Variants in MMS22L observed in about 807,000 individuals in gnomAD.
MMS22L encodes the protein MMS22 like, DNA repair protein.
A neutral mutation model predicts 159.1 loss-of-function variants in MMS22L; 74 were observed. The observed-to-expected ratio is 0.47, with a 90% CI of 0.39 to 0.56. The LOEUF (loss-of-function observed/expected upper bound fraction) is 0.56. Among genes scored for constraint, MMS22L ranks in the 20% least tolerant of loss-of-function variants. MMS22L has a pLI of 0.00. For synonymous variants in MMS22L, 517 were observed against 506.9 expected, an observed-to-expected ratio of 1.02 and a Z score of -0.27; for missense variants, 1,351 against 1,422.1, an observed-to-expected ratio of 0.95 and a Z score of 0.80.
At chr6:97,263,571 AAATT>A (rs1334773421) in intron 8 of MMS22L, 123 bp from the exon 9 acceptor site, 41 of 450,434 alleles carry the variant, frequency 9.1e-5, no homozygotes, top group Non-Finnish European at 1.4e-4. Context: ...CAATTAGACA[AAATT>A]ATTTATTGAA....
Position 97,282,677 on chromosome 6 carries a change from C to T in MMS22L, c.-76-124G>A, listed in dbSNP as rs1281957459. On this transcript the variant is annotated intron_variant, in intron 1 of 24. Transcript: ENST00000683635. Reference sequence around the variant, plus strand: ...AGAGGCCAAATTCCCAATTCCCCCTCGCCCTCCGTCCATCAAGGCTGTCAG... The same window carrying T: ...AGAGGCCAAATTCCCAATTCCCCCTTGCCCTCCGTCCATCAAGGCTGTCAG... 24 of 479,584 alleles carry T rather than the reference C, an allele frequency of 5.0e-5. No homozygotes were observed. In the Admixed American group the frequency reaches 6.1e-4, roughly 12 times the overall value. The allele number at this position is 479,584 out of a possible 1,614,324, so 29.7% of individuals were successfully genotyped here. A position where few individuals can be genotyped will look rare whatever the true frequency, so the allele number is the denominator to read the frequency against.
Position 97,229,017 on chromosome 6 carries a change from T to C in MMS22L, c.1916A>G (p.Tyr639Cys), listed in dbSNP as rs1562482628. Residue 639 changes from tyrosine to cysteine, a missense_variant, in exon 14 of 25, where the codon TAT (tyrosine) becomes TGT (cysteine). Tyr to Cys is a radical substitution (Grantham distance 194, BLOSUM62 -2). Transcript: ENST00000683635. ...TTTTTCATGGGAAGGATACAAGCAATAGCTGGTCTCAAACACTTCTTGAAC... is the reference window on the plus strand; with the variant it reads ...TTTTTCATGGGAAGGATACAAGCAACAGCTGGTCTCAAACACTTCTTGAAC... ...DGVQEVFETS[Y>C]CLYPSHEKLL... 1.9e-6 allele frequency: 3 copies of C among 1,614,090 alleles called. No individual in the cohort carries two copies. The highest frequency in any genetic ancestry group is 1.1e-5 in the South Asian group (1 of 91,080).
chr6:97,249,533 C>T lies in MMS22L; in HGVS notation c.1120-2843G>A, dbSNP rs150230150. On this transcript the variant is annotated intron_variant, in intron 10 of 24. Transcript: ENST00000683635. ...TCTCTCAAAAAAAGCTCATTTTCTT[C>T]TATCAATACTGTATGTCTACTGTGT... Among the ~76,000 whole-genome samples, 296 of 152,242 alleles carry T rather than the reference C, an allele frequency of 1.9e-3. 1 individual carries two copies. The highest frequency in any genetic ancestry group is 6.7e-3 in the African/African-American group (280 of 41,542).
At chr6:97,164,873 C>T (rs1802808848) in intron 21 of MMS22L, among the ~76,000 whole-genome samples, 1 of 152,082 alleles carries the variant, frequency 6.6e-6, no homozygotes. Context: ...CCCACCTCTG[C>T]CTCCCAAAGG....
At chr6:97,207,675 C>T (rs1201774614) in intron 14 of MMS22L, among the ~76,000 whole-genome samples, 1 of 151,960 alleles carries the variant, frequency 6.6e-6, no homozygotes, top group African/African-American at 2.4e-5. Context: ...CTTAATTAAC[C>T]CTGTTCAGAA....
chr6:97,173,647 AT>A (rs1803793981), intron 18 of MMS22L, among the ~76,000 whole-genome samples: 1 of 152,146 alleles, frequency 6.6e-6, no homozygotes, highest in South Asian at 2.1e-4. Flanking sequence ...GTAATGCCAA[AT>A]TTTTACAAGC....
chr6:97,188,738 T>C (rs554784003), intron 14 of MMS22L, among the ~76,000 whole-genome samples: 4 of 152,230 alleles, frequency 2.6e-5, no homozygotes, highest in African/African-American at 9.6e-5. Context: ...GGTGGGTGGA[T>C]CACTCGAGGC....
intron 13 of MMS22L, among the ~76,000 whole-genome samples, chr6:97,229,865 T>A (rs893633757): frequency 6.6e-6 from 1 of 152,158 alleles, no homozygotes; most frequent in Middle Eastern, 3.2e-3. Context: ...TTGCTCTTAT[T>A]TTACTTATAC....
chr6:97,188,456 T>A (rs1805482756), intron 14 of MMS22L, among the ~76,000 whole-genome samples: 1 of 152,160 alleles, frequency 6.6e-6, no homozygotes, highest in African/African-American at 2.4e-5. Context: ...TCGGAACAAC[T>A]CTATGAGATA....
At chr6:97,209,279 C>A (rs1808117960) in intron 14 of MMS22L, among the ~76,000 whole-genome samples, 2 of 151,964 alleles carry the variant, frequency 1.3e-5, no homozygotes, top group African/African-American at 2.4e-5. Context: ...TTTTTGCACA[C>A]AAACCAAAAA....
At chr6:97,170,167 C>T (rs1031317858) in intron 19 of MMS22L, among the ~76,000 whole-genome samples, 8 of 152,092 alleles carry the variant, frequency 5.3e-5, no homozygotes, top group African/African-American at 1.7e-4. Context: ...GTACTATCTG[C>T]GGTTTCAGGC....
intron 14 of MMS22L, among the ~76,000 whole-genome samples, chr6:97,188,034 G>C (rs1805434418): frequency 1.3e-5 from 2 of 152,152 alleles, no homozygotes; most frequent in Non-Finnish European, 2.9e-5. Context: ...TATCTGCTAT[G>C]TCCTCTCTGT....
chr6:97,269,871 A>G, intron 7 of MMS22L, 31 bp downstream of exon 7: 1 of 1,488,278 alleles, frequency 6.7e-7, no homozygotes, highest in East Asian at 2.3e-5. Context: ...TGATTTTAAA[A>G]AGAATATAAA....
At chr6:97,259,933 T>C (rs907616250) in intron 9 of MMS22L, 1 of 152,190 alleles carries the variant, frequency 6.6e-6, no homozygotes, top group Non-Finnish European at 1.5e-5. Flanking sequence ...GAAGTGGGAT[T>C]GCTAGGGTCA....
chr6:97,186,299 CTTATT>C (rs1228018269), intron 15 of MMS22L, among the ~76,000 whole-genome samples, 193 bp downstream of exon 15: 5 of 152,004 alleles, frequency 3.3e-5, no homozygotes. Context: ...AGAAAATTAT[CTTATT>C]TTTAGTAAAT....
intron 18 of MMS22L, among the ~76,000 whole-genome samples, chr6:97,174,605 C>A (rs1803938039): frequency 6.6e-6 from 1 of 152,018 alleles, no homozygotes; most frequent in Non-Finnish European, 1.5e-5. Context: ...CCTAGGATAA[C>A]AGAGAGGGGA....
At chr6:97,174,273 A>G (rs370032091) in intron 18 of MMS22L, among the ~76,000 whole-genome samples, 1 of 151,538 alleles carries the variant, frequency 6.6e-6, no homozygotes, top group South Asian at 2.1e-4. Flanking sequence ...AAAAAAAAAA[A>G]AAATAAAAAG....
At chr6:97,280,031 T>C (rs1352710159) in intron 3 of MMS22L, among the ~76,000 whole-genome samples, 1 of 152,176 alleles carries the variant, frequency 6.6e-6, no homozygotes, top group African/African-American at 2.4e-5. Flanking sequence ...ACCTATGTCC[T>C]AGATAAAGAC....
intron 11 of MMS22L, among the ~76,000 whole-genome samples, chr6:97,243,436 G>A (rs539799598): frequency 8.4e-4 from 127 of 151,934 alleles, no homozygotes; most frequent in African/African-American, 2.9e-3. Flanking sequence ...AGTTGTGATT[G>A]TTTTTTATTT....
Sources: allele counts gnomAD v4.1 joint callset (sites outside exome capture counted in the v4.1 genomes callset), GRCh38; gene constraint gnomAD v4.1.1; transcripts MANE v1.5; gene names NCBI Gene and HGNC (gene_info 2026-07-23, HGNC 2026-07-21).